NMNAT2: variants seen among roughly 807,000 people sequenced by gnomAD.
NMNAT2 encodes nicotinamide nucleotide adenylyltransferase 2, also known as nicotinamide/nicotinic acid mononucleotide adenylyltransferase 2.
Under a neutral mutation model 41.6 loss-of-function variants are expected in NMNAT2, and 11 were observed. The ratio of observed to expected loss-of-function variants is 0.26; its 90% CI spans 0.17 to 0.44. The LOEUF (loss-of-function observed/expected upper bound fraction) is 0.44. Among genes scored for constraint, NMNAT2 ranks in the 20% least tolerant of loss-of-function variants. The probability of loss-of-function intolerance (pLI) is 1.00; values close to 1 mark genes in which losing one functional copy is unlikely to be tolerated. For synonymous variants in NMNAT2, 148 were observed against 151.2 expected (o/e 0.98, Z 0.16); for missense variants, 288 against 407.7 (o/e 0.71, Z 2.53).
chr1:183,317,196 G>A (rs549245164), intron 1 of NMNAT2, among the ~76,000 whole-genome samples: 25 of 152,308 alleles, frequency 1.6e-4, no homozygotes, highest in South Asian at 6.2e-4. Flanking sequence ...CTGGTCAGCC[G>A]TTTTATCCCA....
At chr1:183,399,495 G>T (rs2101925659) in intron 1 of NMNAT2, among the ~76,000 whole-genome samples, 1 of 152,220 alleles carries the variant, frequency 6.6e-6, no homozygotes. Context: ...AAGAGGAGCT[G>T]GTACCATTCC....
rs199600444 is a variant in NMNAT2 at position 183,290,158 on chromosome 1, G to A, written c.291C>T (p.Ser97=). Residue 97 remains serine (S), a synonymous_variant, in exon 4 of 11, where the codon AGC becomes AGT. Coordinates refer to ENST00000287713, the MANE Select transcript of NMNAT2 (RefSeq NM_015039.4). The part of the protein sequence containing the change: ...CYQDTWQTTC[S]VLEHHRDLMK... The stretch of plus-strand genomic sequence containing the variant: ...TGAGGTCCCGGTGGTGTTCCAACAC[G>A]CTGCAGGTCGTCTGCCAGGTGTCCT... The A allele has an allele frequency of 7.8e-5, 124 of 1,585,650 alleles. 1 individual carries two copies. The highest frequency in any genetic ancestry group is 2.1e-4 in the East Asian group (9 of 43,748).
At chr1:183,324,354 T>C (rs1662417905) in intron 1 of NMNAT2, among the ~76,000 whole-genome samples, 2 of 152,216 alleles carry the variant, frequency 1.3e-5, no homozygotes, top group Admixed American at 1.3e-4. Flanking sequence ...CGGAATGAGC[T>C]AAGCTGAATT....
intron 1 of NMNAT2, among the ~76,000 whole-genome samples, chr1:183,400,167 T>C (rs1283323747): frequency 6.6e-6 from 1 of 152,106 alleles, no homozygotes; most frequent in Non-Finnish European, 1.5e-5. Flanking sequence ...GAAAACCCCA[T>C]CGTCTCAGCC....
intron 2 of NMNAT2, 32 bp from the exon 3 acceptor site, chr1:183,292,889 T>A: frequency 6.2e-7 from 1 of 1,603,692 alleles, no homozygotes; most frequent in Non-Finnish European, 8.5e-7. Flanking sequence ...ATTGGGAGAC[T>A]CCCTCCGTTC....
chr1:183,260,242 A>T (rs1571556073), intron 10 of NMNAT2, among the ~76,000 whole-genome samples: 1 of 152,252 alleles, frequency 6.6e-6, no homozygotes, highest in South Asian at 2.1e-4. Context: ...GCCTTTTTCC[A>T]CTGGCTGAGA....
intron 1 of NMNAT2, among the ~76,000 whole-genome samples, chr1:183,370,926 G>T (rs956831679): frequency 3.3e-5 from 5 of 152,206 alleles, no homozygotes; most frequent in Non-Finnish European, 7.3e-5. Context: ...GGATGCTGGG[G>T]AGGTTGTGGT....
At chr1:183,266,711 G>A in intron 8 of NMNAT2, 1 of 199,216 alleles carries the variant, frequency 5.0e-6, no homozygotes, top group Non-Finnish European at 1.1e-5. Context: ...AGTGAGTCTT[G>A]CTAATCTGCA....
intron 8 of NMNAT2, among the ~76,000 whole-genome samples, chr1:183,262,413 T>C (rs1225339318): frequency 6.6e-6 from 1 of 152,202 alleles, no homozygotes; most frequent in Non-Finnish European, 1.5e-5. Context: ...GGTGTATATA[T>C]CCACAATTGG....
At chr1:183,359,185 C>T (rs1249694613) in intron 1 of NMNAT2, among the ~76,000 whole-genome samples, 1 of 151,918 alleles carries the variant, frequency 6.6e-6, no homozygotes, top group Non-Finnish European at 1.5e-5. Flanking sequence ...CAGAAATGTC[C>T]CTCCTTTTGG....
At chr1:183,359,705 C>T (rs967272822) in intron 1 of NMNAT2, among the ~76,000 whole-genome samples, 3 of 152,040 alleles carry the variant, frequency 2.0e-5, no homozygotes, top group African/African-American at 7.2e-5. Flanking sequence ...TGCTCCCATG[C>T]CCAGATCTGG....
At chr1:183,339,361 T>C (rs1203952309) in intron 1 of NMNAT2, among the ~76,000 whole-genome samples, 1 of 152,164 alleles carries the variant, frequency 6.6e-6, no homozygotes, top group Non-Finnish European at 1.5e-5. Context: ...CCTCCCAAAG[T>C]GCTGGGATTA....
At chr1:183,297,359 T>C (rs940416570) in intron 1 of NMNAT2, among the ~76,000 whole-genome samples, 1 of 149,302 alleles carries the variant, frequency 6.7e-6, no homozygotes, top group Non-Finnish European at 1.5e-5. Context: ...TAAACTCTTC[T>C]AGAAAGTAGA....
intron 1 of NMNAT2, among the ~76,000 whole-genome samples, chr1:183,337,236 C>A (rs1186667275): frequency 1.3e-5 from 2 of 150,588 alleles, no homozygotes; most frequent in African/African-American, 4.9e-5. Context: ...AAGATTTCTA[C>A]AATAAGAGAG....
chr1:183,389,834 A>G (rs1437703996), intron 1 of NMNAT2, among the ~76,000 whole-genome samples: 1 of 72,068 alleles, frequency 1.4e-5, no homozygotes, highest in African/African-American at 4.4e-5. Context: ...GAAAGAAAGA[A>G]AGAAAGAAAG....
In NMNAT2 at chr1:183,277,784, CA is replaced by C. The variant is rs999292193; in HGVS notation, c.651+768del. Among the ~76,000 whole-genome samples, 13 of 151,950 alleles carry C rather than the reference CA, an allele frequency of 8.6e-5. No individual in the cohort carries two copies. In the South Asian group the frequency reaches 1.5e-3, roughly 17 times the overall value. ...TTCTATAGATTTTACAGATTAAAAACAAACAAACAAACAAAAAAACTGAGGC... is the reference window on the plus strand; with the variant it reads ...TTCTATAGATTTTACAGATTAAAAACAACAAACAAACAAAAAAACTGAGGC... On this transcript the variant is annotated intron_variant, in intron 8 of 10. Coordinates refer to ENST00000287713, the MANE Select transcript of NMNAT2 (RefSeq NM_015039.4).
chr1:183,390,186 G>T (rs542568379), intron 1 of NMNAT2, among the ~76,000 whole-genome samples: 2 of 152,054 alleles, frequency 1.3e-5, no homozygotes, highest in South Asian at 2.1e-4. Flanking sequence ...AGGGTGAGCC[G>T]CATGAACATC....
At chr1:183,352,157 C>T (rs984721478) in intron 1 of NMNAT2, among the ~76,000 whole-genome samples, 5 of 152,054 alleles carry the variant, frequency 3.3e-5, no homozygotes, top group Non-Finnish European at 7.4e-5. Flanking sequence ...GGTTTCTCTT[C>T]AAGATAAAAA....
rs1186667541 is a variant in NMNAT2, at chr1:183,376,994, G to A, written c.85+41189C>T. 2.0e-5 allele frequency among the ~76,000 whole-genome samples: 3 copies of A among 152,126 alleles called. No homozygotes were observed. The South Asian group carries it at 6.2e-4, about 32-fold the overall frequency. ...GATCAAGGAGAAAGCTCCCCTCTTG[G>A]TTCTGGGTGGGAAGGAGAACAGCAA... On this transcript the variant is annotated intron_variant, in intron 1 of 10. Transcript: ENST00000287713.
Sources: allele counts gnomAD v4.1 joint callset (sites outside exome capture counted in the v4.1 genomes callset), GRCh38; gene constraint gnomAD v4.1.1; transcripts MANE v1.5; gene names NCBI Gene and HGNC (gene_info 2026-07-23, HGNC 2026-07-21).